The following SLC13A4 variants were observed in gnomAD, a reference collection of about 807,000 sequenced individuals.
The protein encoded by SLC13A4 is solute carrier family 13 member 4, also known as Na(+)/sulfate cotransporter SUT-1.
SLC13A4 carries 28 observed loss-of-function variants against 72.7 expected under a neutral mutation model. The observed-to-expected ratio is 0.39, with a 90% CI of 0.29 to 0.53. SLC13A4 has a LOEUF of 0.53. Among genes scored for constraint, SLC13A4 ranks in the 20% least tolerant of loss-of-function variants. SLC13A4 has a pLI of 0.78. For synonymous variants in SLC13A4, 312 were observed against 325.5 expected (o/e 0.96, Z 0.45); for missense variants, 653 against 788.0 (o/e 0.83, Z 2.05).
intron 9 of SLC13A4, 109 bp from the exon 10 acceptor site, chr7:135,694,347 T>A (rs1284587070): frequency 1.5e-6 from 1 of 678,286 alleles, no homozygotes; most frequent in Admixed American, 2.4e-5. Flanking sequence ...ACTTTTCTCC[T>A]CTTTCACATG....
At chr7:135,708,496 C>G (rs1346894900) in intron 2 of SLC13A4, among the ~76,000 whole-genome samples, 1 of 152,180 alleles carries the variant, frequency 6.6e-6, no homozygotes, top group Non-Finnish European at 1.5e-5. Context: ...TGGCCCATAA[C>G]TCTATAGGAT....
chr7:135,692,496 A>G (rs1435337487), intron 10 of SLC13A4, 72 bp from the exon 11 acceptor site: 2 of 1,090,730 alleles, frequency 1.8e-6, no homozygotes, highest in Non-Finnish European at 2.7e-6. Flanking sequence ...TTGCTTCTGG[A>G]AGCTTCTGTA....
chr7:135,713,496 A>G (rs1403380111), intron 2 of SLC13A4, among the ~76,000 whole-genome samples: 2 of 152,204 alleles, frequency 1.3e-5, no homozygotes, highest in East Asian at 3.9e-4. Context: ...GATGCTACAT[A>G]GCTAATTTAA....
intron 8 of SLC13A4, 144 bp from the exon 9 acceptor site, chr7:135,695,631 G>A: frequency 1.1e-6 from 1 of 897,918 alleles, no homozygotes; most frequent in South Asian, 1.8e-5. Context: ...CGTTGCCTAG[G>A]ACTCATTTAG....
At chr7:135,687,412 C>CT (rs1451984593) in intron 13 of SLC13A4, among the ~76,000 whole-genome samples, 1 of 152,342 alleles carries the variant, frequency 6.6e-6, no homozygotes, top group African/African-American at 2.4e-5. Flanking sequence ...CAGCATGTTA[C>CT]TTTTTCTCCT....
intron 8 of SLC13A4, among the ~76,000 whole-genome samples, chr7:135,695,873 A>G (rs939787211): frequency 6.6e-6 from 1 of 152,200 alleles, no homozygotes; most frequent in Admixed American, 6.5e-5. Flanking sequence ...AAAGGAATGT[A>G]AGTTTTGATT....
At chr7:135,701,209 G>C (rs975473789) in intron 7 of SLC13A4, among the ~76,000 whole-genome samples, 1 of 152,222 alleles carries the variant, frequency 6.6e-6, no homozygotes, top group African/African-American at 2.4e-5. Flanking sequence ...AAGTGAGACT[G>C]TTTTGATGAA....
chr7:135,719,165 G>A (rs1796491202), intron 2 of SLC13A4, among the ~76,000 whole-genome samples: 1 of 152,122 alleles, frequency 6.6e-6, no homozygotes, highest in Non-Finnish European at 1.5e-5. Flanking sequence ...TTCTCACAGA[G>A]TCCTGTTACC....
chr7:135,701,819 G>T, intron 6 of SLC13A4, 59 bp from the exon 7 acceptor site: 1 of 1,546,048 alleles, frequency 6.5e-7, no homozygotes, highest in Non-Finnish European at 8.9e-7. Context: ...CAGGTGCCTC[G>T]AGAAGGACCA....
chr7:135,691,878 G>A, intron 11 of SLC13A4: 1 of 480,422 alleles, frequency 2.1e-6, no homozygotes. Flanking sequence ...GTGAATTTGT[G>A]AGCCCGTTAA....
chr7:135,698,690 A>G (rs746566322), intron 8 of SLC13A4, among the ~76,000 whole-genome samples: 3 of 142,622 alleles, frequency 2.1e-5, no homozygotes, highest in African/African-American at 5.3e-5. Flanking sequence ...GCTGGAGTGC[A>G]GTGGCATGAT....
intron 15 of SLC13A4, chr7:135,683,739 C>T: frequency 1.0e-6 from 1 of 985,416 alleles, no homozygotes; most frequent in Non-Finnish European, 1.2e-6. Context: ...TAGGTTCATA[C>T]ACTTCCTCAT....
chr7:135,721,773 A>G (rs1338257982), intron 1 of SLC13A4, among the ~76,000 whole-genome samples: 1 of 152,208 alleles, frequency 6.6e-6, no homozygotes, highest in East Asian at 1.9e-4. Context: ...GTGTGTAGCC[A>G]GGCAGCTCGG....
chr7:135,717,239 C>G (rs541759474), intron 2 of SLC13A4, among the ~76,000 whole-genome samples: 3 of 152,224 alleles, frequency 2.0e-5, no homozygotes, highest in Non-Finnish European at 2.9e-5. Context: ...GGAGCCCACT[C>G]TGACTCCTCT....
intron 2 of SLC13A4, among the ~76,000 whole-genome samples, chr7:135,715,890 G>T (rs1226047377): frequency 6.6e-6 from 1 of 152,200 alleles, no homozygotes; most frequent in African/African-American, 2.4e-5. Flanking sequence ...GGACTAATCA[G>T]CAGAGGAAGT....
At chr7:135,709,415 C>T (rs114828419) in intron 2 of SLC13A4, among the ~76,000 whole-genome samples, 2,031 of 54,668 alleles carry the variant, frequency 0.037, 50 homozygotes, top group African/African-American at 0.1. Flanking sequence ...TCCTTTCTTT[C>T]TTTTTTTTTT....
chr7:135,712,430 A>G (rs1796324164), intron 2 of SLC13A4, among the ~76,000 whole-genome samples: 2 of 146,134 alleles, frequency 1.4e-5, no homozygotes, highest in South Asian at 2.2e-4. Flanking sequence ...TAGACAAGGT[A>G]TTCAGCCTCT....
In SLC13A4 at chr7:135,681,283, C is replaced by T; in HGVS notation, c.*280G>A. 1 of 313,760 alleles carries T rather than the reference C, an allele frequency of 3.2e-6. No homozygotes were observed. Among genetic ancestry groups the T allele is most frequent in the Admixed American group, 5.0e-5 (1 of 20,126 alleles). The allele number at this position is 313,760 out of a possible 1,614,324, so 19.4% of individuals were successfully genotyped here. A position where few individuals can be genotyped will look rare whatever the true frequency, so the allele number is the denominator to read the frequency against. ...TTAATTTAATTTTTATTTTCTTTTT[C>T]TTTTTCTGTGAGCCTATGGCTTGTA... On this transcript the variant is annotated 3_prime_UTR_variant, in exon 16 of 16. Transcript: ENST00000682651.
chr7:135,707,930 A>T, intron 3 of SLC13A4, 184 bp downstream of exon 3: 3 of 633,548 alleles, frequency 4.7e-6, no homozygotes, highest in East Asian at 2.8e-5. Flanking sequence ...TCACAGGTTT[A>T]AATCTCTACT....
Sources: gnomAD v4.1 joint callset for allele counts (sites outside exome capture counted in the v4.1 genomes callset) on GRCh38, gnomAD v4.1.1 for gene constraint, MANE v1.5 for transcripts, NCBI Gene and HGNC (gene_info 2026-07-23, HGNC 2026-07-21) for gene names.